The following TEAD4 variants were observed in gnomAD, a reference collection of about 807,000 sequenced individuals.
TEAD4 encodes transcriptional enhancer factor TEF-3.
TEAD4 carries 36 observed loss-of-function variants against 52.4 expected under a neutral mutation model. That is an observed-to-expected ratio of 0.69 (90% CI 0.53 to 0.91). The LOEUF (loss-of-function observed/expected upper bound fraction) is 0.91. Ranked by LOEUF, TEAD4 falls within the 40% of genes least tolerant of loss-of-function variation. The pLI, the probability that TEAD4 is intolerant of heterozygous loss-of-function variation, is 0.00. For synonymous variants in TEAD4, 220 were observed against 231.0 expected, an observed-to-expected ratio of 0.95 and a Z score of 0.43; for missense variants, 508 against 583.9, an observed-to-expected ratio of 0.87 and a Z score of 1.34.
At chr12:2,963,243 G>A (rs575326799) in intron 2 of TEAD4, among the ~76,000 whole-genome samples, 5 of 152,288 alleles carry the variant, frequency 3.3e-5, no homozygotes, top group South Asian at 4.1e-4. Flanking sequence ...GTCTTGCCCC[G>A]GTGACTGTCA....
intron 5 of TEAD4, 50 bp downstream of exon 5, chr12:3,012,282 C>T: frequency 1.9e-6 from 3 of 1,581,966 alleles, no homozygotes; most frequent in Non-Finnish European, 2.6e-6. Context: ...TGGTGGCCAG[C>T]AGCATATCTT....
At chr12:3,014,349 C>T (rs1179916289) in intron 5 of TEAD4, among the ~76,000 whole-genome samples, 1 of 152,222 alleles carries the variant, frequency 6.6e-6, no homozygotes, top group African/African-American at 2.4e-5. Context: ...TGTCCTTGTC[C>T]ACAGGTTCTG....
intron 9 of TEAD4, 98 bp downstream of exon 9, chr12:3,020,871 T>A: frequency 3.0e-6 from 4 of 1,331,156 alleles, no homozygotes; most frequent in Non-Finnish European, 4.0e-6. Context: ...GGGGCTTAAT[T>A]CAAGTTCCCT....
chr12:2,999,619 G>A (rs781041220), intron 3 of TEAD4, among the ~76,000 whole-genome samples: 16 of 152,212 alleles, frequency 1.1e-4, no homozygotes, highest in Non-Finnish European at 1.9e-4. Flanking sequence ...TCCCGAGCCC[G>A]GGGTGCTTGC....
chr12:3,007,003 G>A (rs1425882265), intron 3 of TEAD4, among the ~76,000 whole-genome samples: 1 of 152,178 alleles, frequency 6.6e-6, no homozygotes, highest in Non-Finnish European at 1.5e-5. Context: ...CTTCAGCCTG[G>A]GCGACAGCGA....
At chr12:2,999,498 A>G (rs1054288465) in intron 3 of TEAD4, among the ~76,000 whole-genome samples, 7 of 152,332 alleles carry the variant, frequency 4.6e-5, no homozygotes, top group African/African-American at 1.7e-4. Flanking sequence ...AGACATGCAG[A>G]TGACATGCAA....
rs1208933668 is a variant in TEAD4, at chr12:3,021,892, A to G, written c.772A>G (p.Ser258Gly). 5.6e-6 allele frequency: 9 copies of G among 1,614,256 alleles called. No homozygotes were observed. Among genetic ancestry groups the G allele is most frequent in the Non-Finnish European group, 7.6e-6 (9 of 1,180,044 alleles). ...CATTGGCCAGTCCAGCCCAAGCTAC[A>G]GCGACCCCTACCTCGAAGCCGTGGA... Residue 258 changes from serine (S) to glycine (G), a missense_variant, in exon 10 of 13, where the codon AGC becomes GGC. Physicochemically the swap from Ser to Gly is moderately conservative, Grantham distance 56 (BLOSUM62 0). Coordinates refer to ENST00000359864, the MANE Select transcript of TEAD4 (RefSeq NM_003213.4).
intron 2 of TEAD4, among the ~76,000 whole-genome samples, chr12:2,969,877 C>T (rs2098223676): frequency 1.3e-5 from 2 of 152,170 alleles, no homozygotes; most frequent in South Asian, 2.1e-4. Context: ...TCAGTGCAGA[C>T]TCCAGAGTGG....
chr12:3,015,820 G>C (rs1010312058), intron 5 of TEAD4, among the ~76,000 whole-genome samples: 1 of 151,882 alleles, frequency 6.6e-6, no homozygotes, highest in Non-Finnish European at 1.5e-5. Context: ...TCACTTAAGG[G>C]AGATCCAGGT....
chr12:2,972,616 CAGCCTCCCAAGT>C (rs2098226215), intron 2 of TEAD4, among the ~76,000 whole-genome samples: 1 of 148,188 alleles, frequency 6.7e-6, no homozygotes, highest in Non-Finnish European at 1.5e-5. Context: ...TCTCCTGCCT[CAGCCTCCCAAGT>C]AGCTGGGATT....
intron 3 of TEAD4, among the ~76,000 whole-genome samples, chr12:3,008,404 G>A (rs2098257608): frequency 6.6e-6 from 1 of 152,192 alleles, no homozygotes; most frequent in Non-Finnish European, 1.5e-5. Flanking sequence ...GATCAGAGAG[G>A]TGACTGAACT....
At chr12:3,020,101 C>T (rs2153957360) in intron 8 of TEAD4, among the ~76,000 whole-genome samples, 1 of 152,308 alleles carries the variant, frequency 6.6e-6, no homozygotes, top group East Asian at 1.9e-4. Flanking sequence ...AGGACACGAT[C>T]TAAACTACAG....
rs913946420 is a variant in TEAD4 at position 2,961,705 on chromosome 12, C to T, written c.-30+1665C>T. Among the ~76,000 whole-genome samples the T allele has an allele frequency of 4.6e-5, 7 of 152,084 alleles. No individual in the cohort carries two copies. The East Asian group carries it at 1.3e-3, about 29-fold the overall frequency. ...AGAGCCCCCACCCAGCAGCACAGTG[C>T]CTGGCACATCCCATGGACTCCATAG... On this transcript the variant is annotated intron_variant, in intron 2 of 12. Coordinates refer to ENST00000359864, the MANE Select transcript of TEAD4 (RefSeq NM_003213.4).
chr12:3,029,686 T>G (rs1330856505), intron 10 of TEAD4, among the ~76,000 whole-genome samples: 1 of 152,202 alleles, frequency 6.6e-6, no homozygotes, highest in Non-Finnish European at 1.5e-5. Flanking sequence ...TGGCCCCTTT[T>G]CACATTCCTA....
Position 3,020,757 on chromosome 12 carries a change from A to T in TEAD4, c.707A>T (p.Gln236Leu). 1 of 1,606,752 alleles carries T rather than the reference A, an allele frequency of 6.2e-7. No homozygotes were observed. The stretch of plus-strand genomic sequence containing the variant: ...GAGTTCTCTGCCTTCCTGGAGCAGC[A>T]GCAGGACCCGGACACGGTAGGTCCT... The change falls in exon 9 of 13, where the codon CAG becomes CTG. Residue 236 changes from glutamine (Q) to leucine (L), a missense_variant. Transcript: ENST00000359864.
chr12:3,002,701 C>T lies in TEAD4; in HGVS notation c.226+7709C>T, dbSNP rs765194616. On this transcript the variant is annotated intron_variant, in intron 3 of 12. Transcript: ENST00000359864. Reference sequence around the variant, plus strand: ...CACAGTAGGTGCCAAATGCACAGCACGGGGTGAGGGGAACACGTACCTGCC... The same window carrying T: ...CACAGTAGGTGCCAAATGCACAGCATGGGGTGAGGGGAACACGTACCTGCC... Among the ~76,000 whole-genome samples the T allele has an allele frequency of 1.8e-3, 269 of 152,272 alleles. 1 individual carries two copies. The highest frequency in any genetic ancestry group is 2.9e-3 in the Non-Finnish European group (197 of 68,018).
At chr12:2,967,283 A>G (rs2098221254) in intron 2 of TEAD4, among the ~76,000 whole-genome samples, 1 of 152,174 alleles carries the variant, frequency 6.6e-6, no homozygotes, top group South Asian at 2.1e-4. Context: ...ATATATTTTA[A>G]CATAATTGCA....
intron 3 of TEAD4, among the ~76,000 whole-genome samples, chr12:3,009,920 C>T (rs117287336): frequency 0.021 from 3,125 of 152,326 alleles, 46 homozygotes; most frequent in Middle Eastern, 0.041. Flanking sequence ...TGGCCGTGCA[C>T]TCTGGTTACA....
chr12:2,982,428 C>T (rs1253272325), intron 2 of TEAD4, among the ~76,000 whole-genome samples: 1 of 152,214 alleles, frequency 6.6e-6, no homozygotes, highest in Non-Finnish European at 1.5e-5. Flanking sequence ...CTTCTGTTCA[C>T]AGCGCATGGC....
Sources: gnomAD v4.1 joint callset for allele counts (sites outside exome capture counted in the v4.1 genomes callset) on GRCh38, gnomAD v4.1.1 for gene constraint, MANE v1.5 for transcripts, NCBI Gene and HGNC (gene_info 2026-07-23, HGNC 2026-07-21) for gene names.